The following CDCA8 variants were observed in gnomAD, a reference collection of about 807,000 sequenced individuals.
CDCA8 encodes the protein cell division cycle associated 8.
In CDCA8, 25 loss-of-function variants were observed where a neutral mutation model predicts 40.0. That is an observed-to-expected ratio of 0.63 (90% confidence interval 0.46 to 0.87). The LOEUF is 0.87. Ranked by LOEUF, CDCA8 falls within the 40% of genes least tolerant of loss-of-function variation. CDCA8 has a pLI of 0.00. For synonymous variants in CDCA8, 111 were observed against 126.5 expected, an observed-to-expected ratio of 0.88 and a Z score of 0.82; for missense variants, 280 against 348.4, an observed-to-expected ratio of 0.80 and a Z score of 1.56.
chr1:37,705,521 C>T lies in CDCA8; in HGVS notation c.665C>T (p.Ala222Val). 6.2e-7 allele frequency: 1 copy of T among 1,613,878 alleles called. No individual in the cohort carries two copies. Among genetic ancestry groups the T allele is most frequent in the East Asian group, 2.2e-5 (1 of 44,886 alleles). The change falls in exon 8 of 10, where the codon GCT becomes GTT. Residue 222 changes from alanine to valine, a missense_variant. Ala to Val is a moderately conservative substitution (Grantham distance 64, BLOSUM62 0). Coordinates refer to ENST00000373055, the MANE Select transcript of CDCA8 (RefSeq NM_001256875.2). The part of the protein sequence containing the change: ...YNISGNGSPL[A>V]DSKEIFLTVP... Reference sequence around the variant, plus strand: ...ATCTCAGGGAATGGCAGCCCTCTTGCTGACAGCAAAGAGATCTTCCTCACT... The same window carrying T: ...ATCTCAGGGAATGGCAGCCCTCTTGTTGACAGCAAAGAGATCTTCCTCACT...
At chr1:37,705,805 TG>T (rs1645595453) in intron 8 of CDCA8, among the ~76,000 whole-genome samples, 1 of 147,538 alleles carries the variant, frequency 6.8e-6, no homozygotes, top group African/African-American at 2.6e-5. Flanking sequence ...TTTTGTTTTT[TG>T]TGGGTTTTTT....
At chr1:37,700,629 C>G in intron 5 of CDCA8, 108 bp downstream of exon 5, 2 of 719,962 alleles carry the variant, frequency 2.8e-6, no homozygotes, top group Admixed American at 2.0e-5. Context: ...TAGAGATGAT[C>G]CTACTTTACA....
Position 37,709,516 on chromosome 1 carries a change from T to C in CDCA8, c.*1150T>C, listed in dbSNP as rs1645625106. On this transcript the variant is annotated 3_prime_UTR_variant, in exon 10 of 10. Coordinates refer to ENST00000373055, the MANE Select transcript of CDCA8 (RefSeq NM_001256875.2). ...CACATGGCTTTCTCATGTAGGGCTC[T>C]CTGTGGTATTTGTTATTATTTTGCA... The C allele has an allele frequency of 6.6e-6, 1 of 152,190 alleles. No individual in the cohort carries two copies. The highest frequency in any genetic ancestry group is 1.5e-5 in the Non-Finnish European group (1 of 68,026). The allele number at this position is 152,190 out of a possible 1,614,324, so 9.4% of individuals were successfully genotyped here.
intron 7 of CDCA8, among the ~76,000 whole-genome samples, chr1:37,704,187 G>A (rs996283404): frequency 1.3e-5 from 2 of 151,954 alleles, no homozygotes; most frequent in African/African-American, 4.8e-5. Context: ...TGCCCACCTC[G>A]GCCTTCCAAT....
intron 6 of CDCA8, among the ~76,000 whole-genome samples, chr1:37,702,132 G>A (rs371300829): frequency 1.4e-5 from 2 of 146,454 alleles, no homozygotes; most frequent in East Asian, 2.0e-4. Context: ...CTTCTGCCTC[G>A]CGGGTTCAAA....
chr1:37,708,022 A>G (rs3748679), intron 9 of CDCA8, among the ~76,000 whole-genome samples: 36,724 of 151,892 alleles, frequency 0.24, 5,247 homozygotes, highest in East Asian at 0.69. Flanking sequence ...GGTTTCCTAA[A>G]CCTGTCTTTC....
chr1:37,707,710 C>T (rs11264090), intron 9 of CDCA8, among the ~76,000 whole-genome samples: 36,796 of 152,142 alleles, frequency 0.24, 5,267 homozygotes, highest in East Asian at 0.69. Context: ...ATCCCTGCAG[C>T]TCAGGAGGCT....
chr1:37,708,243 T>G, intron 9 of CDCA8, 79 bp from the exon 10 acceptor site: 1 of 1,251,348 alleles, frequency 8.0e-7, no homozygotes, highest in African/African-American at 1.5e-5. Flanking sequence ...ATGGAGGGGC[T>G]CAGGCTGACT....
At chr1:37,695,368 T>TAAAA (rs71690196) in intron 2 of CDCA8, among the ~76,000 whole-genome samples, 74 of 76,440 alleles carry the variant, frequency 9.7e-4, no homozygotes, top group Admixed American at 1.2e-3. Context: ...CATCTCTACT[T>TAAAA]AAAAAAAAAA....
chr1:37,695,450 G>A (rs528254706), intron 2 of CDCA8, among the ~76,000 whole-genome samples: 113 of 149,208 alleles, frequency 7.6e-4, no homozygotes, highest in Admixed American at 1.5e-3. Context: ...AAAATTAGCC[G>A]AATGTGGTGG....
intron 7 of CDCA8, 107 bp downstream of exon 7, chr1:37,703,454 G>A (rs1238636575): frequency 9.6e-6 from 8 of 829,594 alleles, no homozygotes; most frequent in South Asian, 1.4e-5. Flanking sequence ...GGTAGCTCAC[G>A]CCTGTAATAC....
chr1:37,699,035 G>A (rs1447801745), intron 4 of CDCA8, 58 bp downstream of exon 4: 2 of 1,209,580 alleles, frequency 1.7e-6, no homozygotes, highest in African/African-American at 3.0e-5. Flanking sequence ...AGGTTGCTTG[G>A]TTGGCTGCTC....
At chr1:37,702,089 G>A (rs954591098) in intron 6 of CDCA8, among the ~76,000 whole-genome samples, 2 of 142,436 alleles carry the variant, frequency 1.4e-5, no homozygotes, top group African/African-American at 5.3e-5. Flanking sequence ...TGGCCAGGCT[G>A]GAGTGCAATG....
chr1:37,707,549 C>T (rs1645609692), intron 9 of CDCA8, among the ~76,000 whole-genome samples: 1 of 149,364 alleles, frequency 6.7e-6, no homozygotes, highest in Non-Finnish European at 1.5e-5. Flanking sequence ...TCCACAGGCT[C>T]CAGGTTCTGT....
intron 5 of CDCA8, among the ~76,000 whole-genome samples, chr1:37,701,325 G>A (rs185116682): frequency 2.0e-5 from 3 of 152,202 alleles, no homozygotes; most frequent in East Asian, 1.9e-4. Context: ...GATCCATCAC[G>A]GAGGACAAGG....
At chr1:37,707,272 G>A (rs984387311) in intron 9 of CDCA8, among the ~76,000 whole-genome samples, 7 of 152,218 alleles carry the variant, frequency 4.6e-5, no homozygotes, top group African/African-American at 1.7e-4. Flanking sequence ...CAATCCCAGG[G>A]TGCCTGCCAC....
At chr1:37,692,876 CGTGTCCT>C (rs1486639702) in intron 1 of CDCA8, 22 bp from the exon 2 acceptor site, 9 of 1,613,382 alleles carry the variant, frequency 5.6e-6, no homozygotes, top group African/African-American at 1.3e-5. Context: ...GCCCGTGACC[CGTGTCCT>C]GTCGGCTCTG....
Position 37,695,945 on chromosome 1 carries a change from G to A in CDCA8, c.259G>A (p.Ala87Thr). The A allele has an allele frequency of 6.2e-7, 1 of 1,613,768 alleles. No individual in the cohort carries two copies. Among genetic ancestry groups the A allele is most frequent in the Admixed American group, 1.7e-5 (1 of 59,994 alleles). The change falls in exon 3 of 10, where the codon GCA (alanine) becomes ACA (threonine). Residue 87 changes from alanine to threonine, a missense_variant. Physicochemically the swap from Ala to Thr is moderately conservative, Grantham distance 58. Transcript: ENST00000373055. ...AAACAAACAGGCCCTGGAAGAGGCG[G>A]CAACAGTAAGTGACCTTTCCTATTT... is the stretch of plus-strand genomic sequence containing the variant. ...GGNKQALEEAATADLDITEIN... is the reference protein window; with the variant it reads ...GGNKQALEEATTADLDITEIN...
intron 2 of CDCA8, among the ~76,000 whole-genome samples, chr1:37,695,461 C>T (rs1011405831): frequency 8.0e-5 from 12 of 150,118 alleles, no homozygotes; most frequent in East Asian, 4.0e-4. Context: ...AATGTGGTGG[C>T]GCATGCCTGT....
Sources: gnomAD v4.1 joint callset for allele counts (sites outside exome capture counted in the v4.1 genomes callset) on GRCh38, gnomAD v4.1.1 for gene constraint, MANE v1.5 for transcripts, NCBI Gene and HGNC (gene_info 2026-07-23, HGNC 2026-07-21) for gene names.